Variants in LDB2 observed in about 807,000 individuals in gnomAD.
The protein encoded by LDB2 is LIM domain-binding protein 2.
A neutral mutation model predicts 44.3 loss-of-function variants in LDB2; 12 were observed. That is an observed-to-expected ratio of 0.27 (90% confidence interval 0.17 to 0.44). The LOEUF (loss-of-function observed/expected upper bound fraction) is 0.44. LDB2 is among the 20% of genes least tolerant of loss of function. LDB2 has a pLI of 1.00. For missense variants in LDB2, 344 were observed against 473.5 expected (o/e 0.73, Z 2.54); for synonymous variants, 164 against 174.8 (o/e 0.94, Z 0.49).
chr4:16,867,207 C>T (rs1277484542), intron 1 of LDB2, among the ~76,000 whole-genome samples: 10 of 152,128 alleles, frequency 6.6e-5, no homozygotes, highest in East Asian at 1.9e-4. Context: ...TGGAAACACC[C>T]GCAGGTAACA....
At chr4:16,511,315 A>G (rs1376557724) in intron 6 of LDB2, among the ~76,000 whole-genome samples, 1 of 152,192 alleles carries the variant, frequency 6.6e-6, no homozygotes, top group African/African-American at 2.4e-5. Context: ...AAGACAATTA[A>G]TGATGACTTG....
chr4:16,581,828 G>A (rs2152418860), intron 5 of LDB2, among the ~76,000 whole-genome samples: 2 of 151,810 alleles, frequency 1.3e-5, no homozygotes, highest in Middle Eastern at 6.8e-3. Flanking sequence ...CTGTGCCTCA[G>A]TTTTCTCTCC....
rs369895054 is a variant in LDB2 at position 16,551,478 on chromosome 4, GT to G, written c.615+34443del. Among the ~76,000 whole-genome samples, 101 of 152,078 alleles carry G rather than the reference GT, an allele frequency of 6.6e-4. 1 individual carries two copies. The highest frequency in any genetic ancestry group is 6.8e-3 in the Middle Eastern group (2 of 294). On this transcript the variant is annotated intron_variant, in intron 5 of 7. Transcript: ENST00000304523. ...ATGAAAAAGTCCTCTGTAAGTATTT[GT>G]TCCCTTACTTCAACTATCTATTTAT...
At chr4:16,891,316 T>C (rs1723320101) in intron 1 of LDB2, among the ~76,000 whole-genome samples, 1 of 125,330 alleles carries the variant, frequency 8.0e-6, no homozygotes, top group African/African-American at 2.8e-5. Flanking sequence ...TTTTTTTTTT[T>C]TTTTTTTTTT....
At chr4:16,668,000 TC>T (rs1743764222) in intron 2 of LDB2, among the ~76,000 whole-genome samples, 1 of 152,036 alleles carries the variant, frequency 6.6e-6, no homozygotes, top group Admixed American at 6.5e-5. Flanking sequence ...CAGGCTGGGA[TC>T]CAATAGAGTT....
chr4:16,534,122 C>T (rs1345123460), intron 5 of LDB2, among the ~76,000 whole-genome samples: 1 of 152,176 alleles, frequency 6.6e-6, no homozygotes, highest in Non-Finnish European at 1.5e-5. Flanking sequence ...GCACAACTCA[C>T]GTTCCTCTGA....
intron 2 of LDB2, among the ~76,000 whole-genome samples, chr4:16,651,854 T>TG (rs1738370080): frequency 6.6e-6 from 1 of 152,078 alleles, no homozygotes; most frequent in Non-Finnish European, 1.5e-5. Context: ...AGGTGGGAGG[T>TG]GGCGTGCCAT....
At chr4:16,677,754 G>A (rs750745254) in intron 2 of LDB2, among the ~76,000 whole-genome samples, 101 of 152,350 alleles carry the variant, frequency 6.6e-4, no homozygotes, top group Admixed American at 2.9e-3. Context: ...CAGATGGGCT[G>A]CCAGGAAAAT....
chr4:16,804,445 C>T (rs1160257796), intron 1 of LDB2, among the ~76,000 whole-genome samples: 1 of 152,116 alleles, frequency 6.6e-6, no homozygotes, highest in Non-Finnish European at 1.5e-5. Flanking sequence ...TGTATCTTGA[C>T]ATAATTTTTT....
chr4:16,698,974 T>C (rs181661685), intron 2 of LDB2, among the ~76,000 whole-genome samples: 15 of 152,340 alleles, frequency 9.8e-5, no homozygotes, highest in South Asian at 4.1e-4. Context: ...TTATCTCTGA[T>C]GGTAGCTCAG....
chr4:16,583,007 G>A (rs908308311), intron 5 of LDB2, among the ~76,000 whole-genome samples: 1 of 152,168 alleles, frequency 6.6e-6, no homozygotes, highest in African/African-American at 2.4e-5. Flanking sequence ...AGTGCTGCTG[G>A]CCAGCGTCTG....
At chr4:16,564,300 G>T (rs1003053345) in intron 5 of LDB2, among the ~76,000 whole-genome samples, 3 of 152,180 alleles carry the variant, frequency 2.0e-5, no homozygotes, top group Non-Finnish European at 4.4e-5. Context: ...GGTGGAGGTT[G>T]CAGTGAGCTG....
intron 2 of LDB2, among the ~76,000 whole-genome samples, chr4:16,738,958 C>T (rs1762413699): frequency 1.3e-5 from 2 of 151,946 alleles, no homozygotes; most frequent in South Asian, 4.2e-4. Flanking sequence ...TGGGAAACTC[C>T]CTATCATTCT....
At chr4:16,791,560 A>AAAAAAAAAAAAG (rs1775750504) in intron 1 of LDB2, among the ~76,000 whole-genome samples, 3 of 149,766 alleles carry the variant, frequency 2.0e-5, no homozygotes, top group Non-Finnish European at 3.0e-5. Context: ...GGCTCAGAAA[A>AAAAAAAAAAAAG]AAAAAAAAAA....
intron 2 of LDB2, among the ~76,000 whole-genome samples, chr4:16,627,751 CT>C (rs1730671872): frequency 6.6e-6 from 1 of 152,182 alleles, no homozygotes; most frequent in South Asian, 2.1e-4. Context: ...ATTTAGTGAC[CT>C]GCTTCTAGCA....
At chr4:16,598,814 C>T (rs1184323287) in intron 2 of LDB2, among the ~76,000 whole-genome samples, 3 of 151,706 alleles carry the variant, frequency 2.0e-5, no homozygotes, top group Non-Finnish European at 4.4e-5. Context: ...GGGAATAAAG[C>T]CAATGCCATC....
chr4:16,816,109 G>C (rs1168245636), intron 1 of LDB2, among the ~76,000 whole-genome samples: 1 of 152,120 alleles, frequency 6.6e-6, no homozygotes, highest in Non-Finnish European at 1.5e-5. Flanking sequence ...TTGAGAGGCT[G>C]AGGCAGCAGA....
intron 1 of LDB2, among the ~76,000 whole-genome samples, chr4:16,806,058 T>C (rs1309107844): frequency 6.6e-6 from 1 of 152,200 alleles, no homozygotes; most frequent in Non-Finnish European, 1.5e-5. Flanking sequence ...TCTCACCATA[T>C]TTCCTCCCAG....
chr4:16,588,967 G>T, intron 3 of LDB2, 135 bp from the exon 4 acceptor site: 2 of 819,374 alleles, frequency 2.4e-6, no homozygotes, highest in Non-Finnish European at 4.0e-6. Flanking sequence ...TGTGACACGA[G>T]TGATGTGTCC....
Sources: gnomAD v4.1 joint callset for allele counts (sites outside exome capture counted in the v4.1 genomes callset) on GRCh38, gnomAD v4.1.1 for gene constraint, MANE v1.5 for transcripts, NCBI Gene and HGNC (gene_info 2026-07-23, HGNC 2026-07-21) for gene names.